DGKI: variants seen among roughly 807,000 people sequenced by gnomAD.
The protein encoded by DGKI is DAG kinase iota.
Under a neutral mutation model 147.5 loss-of-function variants are expected in DGKI, and 55 were observed. The ratio of observed to expected loss-of-function variants is 0.37; its 90% CI spans 0.30 to 0.47. DGKI has a LOEUF of 0.47. Ranked by LOEUF, DGKI falls within the 20% of genes least tolerant of loss-of-function variation. DGKI has a pLI of 1.00. For missense variants in DGKI, 1,007 were observed against 1,323.8 expected (o/e 0.76, Z 3.71); for synonymous variants, 469 against 477.1 (o/e 0.98, Z 0.22).
At chr7:137,645,036 CAAG>C (rs1244355789) in intron 6 of DGKI, among the ~76,000 whole-genome samples, 4 of 152,256 alleles carry the variant, frequency 2.6e-5, no homozygotes, top group African/African-American at 7.2e-5. Context: ...GATAATGTCC[CAAG>C]GGAGCAACAC....
intron 1 of DGKI, among the ~76,000 whole-genome samples, chr7:137,839,678 T>G (rs10228792): frequency 0.02 from 2,991 of 152,308 alleles, 97 homozygotes; most frequent in African/African-American, 0.066. Context: ...ACCTCTCAAG[T>G]AATTGAAAGT....
chr7:137,398,937 T>G (rs1236122480), intron 30 of DGKI, among the ~76,000 whole-genome samples: 1 of 152,038 alleles, frequency 6.6e-6, no homozygotes, highest in African/African-American at 2.4e-5. Context: ...TTGCAAGTAT[T>G]TAAACACTGG....
chr7:137,528,828 C>CT (rs1231243756), intron 20 of DGKI, among the ~76,000 whole-genome samples: 1 of 152,120 alleles, frequency 6.6e-6, no homozygotes, highest in Non-Finnish European at 1.5e-5. Flanking sequence ...TTCAGGCTAC[C>CT]TTAATCATTT....
intron 6 of DGKI, among the ~76,000 whole-genome samples, chr7:137,633,757 T>C (rs1821215927): frequency 6.6e-6 from 1 of 152,232 alleles, no homozygotes; most frequent in African/African-American, 2.4e-5. Context: ...ATTTTTTCCA[T>C]CCCTCTCTGA....
At chr7:137,668,332 C>T (rs1325654685) in intron 3 of DGKI, among the ~76,000 whole-genome samples, 1 of 152,246 alleles carries the variant, frequency 6.6e-6, no homozygotes, top group Non-Finnish European at 1.5e-5. Context: ...ACTGGCTAAA[C>T]AGGGCATAAA....
intron 3 of DGKI, among the ~76,000 whole-genome samples, chr7:137,659,205 G>T (rs1038984075): frequency 6.6e-6 from 1 of 152,114 alleles, no homozygotes; most frequent in Admixed American, 6.6e-5. Flanking sequence ...TTTAATCTGA[G>T]AAATCAGATA....
intron 17 of DGKI, among the ~76,000 whole-genome samples, chr7:137,573,629 T>G (rs1295049706): frequency 6.6e-6 from 1 of 152,220 alleles, no homozygotes; most frequent in Non-Finnish European, 1.5e-5. Flanking sequence ...GGTCTTGAAC[T>G]CCTGACCTCA....
chr7:137,696,979 G>A (rs2116488862), intron 1 of DGKI, among the ~76,000 whole-genome samples: 1 of 152,250 alleles, frequency 6.6e-6, no homozygotes, highest in East Asian at 1.9e-4. Context: ...CTGGGTGATG[G>A]TTCTATGAGC....
intron 20 of DGKI, among the ~76,000 whole-genome samples, chr7:137,551,712 G>A (rs534314159): frequency 6.6e-6 from 1 of 152,260 alleles, no homozygotes; most frequent in Admixed American, 6.5e-5. Flanking sequence ...CTTACCTCAA[G>A]TCAGTTTATT....
chr7:137,532,195 C>T (rs1817364500), intron 20 of DGKI, among the ~76,000 whole-genome samples: 1 of 152,074 alleles, frequency 6.6e-6, no homozygotes. Flanking sequence ...AATGTATGAG[C>T]TACAGGACGC....
chr7:137,470,810 C>T (rs1336930763), intron 23 of DGKI, among the ~76,000 whole-genome samples: 4 of 152,164 alleles, frequency 2.6e-5, no homozygotes, highest in East Asian at 1.9e-4. Flanking sequence ...CTCACTTACA[C>T]ACCTCAGACA....
At chr7:137,419,636 G>C (rs1812485020) in intron 28 of DGKI, among the ~76,000 whole-genome samples, 1 of 152,078 alleles carries the variant, frequency 6.6e-6, no homozygotes, top group Non-Finnish European at 1.5e-5. Flanking sequence ...TGCTAATGAG[G>C]CATAAATGGG....
At chr7:137,472,356 A>ATATT (rs1814989428) in intron 23 of DGKI, among the ~76,000 whole-genome samples, 1 of 5,984 alleles carries the variant, frequency 1.7e-4, no homozygotes, top group Non-Finnish European at 1.2e-3. Context: ...TATTATATGT[A>ATATT]TATATACATA....
intron 12 of DGKI, among the ~76,000 whole-genome samples, chr7:137,587,573 T>A (rs1374565397): frequency 1.3e-5 from 2 of 152,224 alleles, no homozygotes; most frequent in Non-Finnish European, 2.9e-5. Context: ...CAATTCTGAC[T>A]CATGCTGGCT....
chr7:137,738,208 C>T (rs1313509189), intron 1 of DGKI, among the ~76,000 whole-genome samples: 3 of 152,054 alleles, frequency 2.0e-5, no homozygotes, highest in Non-Finnish European at 4.4e-5. Flanking sequence ...TTAAGTTAAT[C>T]GGTGTAATGT....
chr7:137,585,061 C>G, intron 14 of DGKI, 148 bp downstream of exon 14: 1 of 858,430 alleles, frequency 1.2e-6, no homozygotes, highest in Non-Finnish European at 1.8e-6. Context: ...TAATATTATA[C>G]ACATAGCCCC....
intron 7 of DGKI, 89 bp downstream of exon 7, chr7:137,623,394 T>A (rs1485490130): frequency 2.4e-6 from 3 of 1,271,200 alleles, no homozygotes; most frequent in Non-Finnish European, 3.4e-6. Context: ...TAGGAATGCC[T>A]TCTACTTCCA....
intron 20 of DGKI, among the ~76,000 whole-genome samples, chr7:137,534,985 T>C (rs1175977695): frequency 1.3e-5 from 2 of 152,064 alleles, no homozygotes; most frequent in Non-Finnish European, 2.9e-5. Context: ...TATGAAGACA[T>C]GAGAAGACAG....
intron 26 of DGKI, among the ~76,000 whole-genome samples, chr7:137,464,562 C>T (rs1472217159): frequency 6.6e-6 from 1 of 152,202 alleles, no homozygotes; most frequent in African/African-American, 2.4e-5. Context: ...GGCCTTCCCC[C>T]ATGCTCTGAC....
Sources: allele counts gnomAD v4.1 joint callset (sites outside exome capture counted in the v4.1 genomes callset), GRCh38; gene constraint gnomAD v4.1.1; transcripts MANE v1.5; gene names NCBI Gene and HGNC (gene_info 2026-07-23, HGNC 2026-07-21).